Variants in DOP1B observed in about 807,000 individuals in gnomAD.
DOP1B encodes the protein DOP1 leucine zipper like protein B.
In DOP1B, 174 loss-of-function variants were observed where a neutral mutation model predicts 233.5. That is an observed-to-expected ratio of 0.75 (90% confidence interval 0.66 to 0.85). The LOEUF (loss-of-function observed/expected upper bound fraction) is 0.85. Ranked by LOEUF, DOP1B falls within the 40% of genes least tolerant of loss-of-function variation. The pLI is 0.00. For synonymous variants in DOP1B, 1,190 were observed against 1,185.6 expected (o/e 1.00, Z -0.08); for missense variants, 2,652 against 2,846.6 (o/e 0.93, Z 1.56).
At chr21:36,258,368 C>T (rs1251209818) in intron 23 of DOP1B, among the ~76,000 whole-genome samples, 1 of 152,084 alleles carries the variant, frequency 6.6e-6, no homozygotes, top group South Asian at 2.1e-4. Context: ...GATCACGCCA[C>T]TGCACTCCAG....
chr21:36,219,722 A>G (rs930630838), intron 10 of DOP1B, among the ~76,000 whole-genome samples: 6 of 152,172 alleles, frequency 3.9e-5, no homozygotes, highest in Middle Eastern at 3.4e-3. Flanking sequence ...TCTTTCCCCC[A>G]GCCTGGGATG....
intron 11 of DOP1B, among the ~76,000 whole-genome samples, chr21:36,224,421 C>T (rs1463036853): frequency 6.6e-6 from 1 of 152,040 alleles, no homozygotes; most frequent in Non-Finnish European, 1.5e-5. Flanking sequence ...CTCAAGTGAT[C>T]CACCCGCCTT....
At chr21:36,273,001 A>T (rs1482309466) in intron 27 of DOP1B, among the ~76,000 whole-genome samples, 1 of 150,736 alleles carries the variant, frequency 6.6e-6, no homozygotes, top group Non-Finnish European at 1.5e-5. Context: ...AAAAAAAAAA[A>T]AAAAAAGACC....
At position 36,245,406 on chromosome 21, in the gene DOP1B, G is replaced by C. The variant is rs771615988; in HGVS notation, c.3426G>C (p.Glu1142Asp). The change falls in exon 19 of 37, where the codon GAG becomes GAC. Residue 1142 changes from glutamate (E) to aspartate (D), a missense_variant. Physicochemically the swap from Glu to Asp is conservative, Grantham distance 45. Around this residue, in one of 3 missense-constraint regions of DOP1B, gnomAD observed 2,617 missense variants for 2,794.3 expected, o/e 0.94. Coordinates refer to ENST00000691173, the MANE Select transcript of DOP1B (RefSeq NM_001320714.2). This position sits in a 1 kb window ranked among gnomAD's most constrained non-coding sequence, Gnocchi z 5.5. ...ACCTGCAGGAGCTGAGCAACGAAGA[G>C]AACTGCTGTGCACCCATCCCCATGG... ...SHDLQELSNE[E>D]NCCAPIPMGG... 1.9e-6 allele frequency: 3 copies of C among 1,613,954 alleles called. No homozygotes were observed. The highest frequency in any genetic ancestry group is 2.5e-6 in the Non-Finnish European group (3 of 1,180,058).
chr21:36,193,750 C>T (rs1423738615), intron 2 of DOP1B, among the ~76,000 whole-genome samples: 2 of 152,086 alleles, frequency 1.3e-5, no homozygotes, highest in African/African-American at 2.4e-5. Context: ...GCGGGGAGCC[C>T]GAGTGGGAAC....
intron 2 of DOP1B, among the ~76,000 whole-genome samples, chr21:36,193,671 C>G (rs1569012054): frequency 1.3e-5 from 2 of 152,124 alleles, no homozygotes; most frequent in African/African-American, 4.8e-5. Flanking sequence ...TGTGCTGTCC[C>G]TCTTGTGTCT....
chr21:36,235,157 C>T (rs2066811251), intron 15 of DOP1B, among the ~76,000 whole-genome samples: 1 of 152,186 alleles, frequency 6.6e-6, no homozygotes, highest in Non-Finnish European at 1.5e-5. Context: ...GTCCCTGTTG[C>T]AGATGCTGGA....
At chr21:36,158,877 C>G (rs2123376807) in intron 1 of DOP1B, among the ~76,000 whole-genome samples, 1 of 151,988 alleles carries the variant, frequency 6.6e-6, no homozygotes, top group South Asian at 2.1e-4. Flanking sequence ...CCTGTAATCC[C>G]AACACTTTGG....
chr21:36,258,249 A>G (rs913196254), intron 23 of DOP1B, among the ~76,000 whole-genome samples: 1 of 152,160 alleles, frequency 6.6e-6, no homozygotes, highest in Non-Finnish European at 1.5e-5. Context: ...GACTCTAAAA[A>G]GAAAAAAAAA....
chr21:36,285,302 C>T (rs1185772639), intron 32 of DOP1B, among the ~76,000 whole-genome samples: 3 of 152,092 alleles, frequency 2.0e-5, no homozygotes, highest in Admixed American at 6.6e-5. Flanking sequence ...TCAAGTGATC[C>T]ACCCGCCTCA....
chr21:36,251,415 T>C lies in DOP1B; in HGVS notation c.5121+131T>C, dbSNP rs375675808. On this transcript the variant is annotated intron_variant, in intron 22 of 36. Coordinates refer to ENST00000691173, the MANE Select transcript of DOP1B (RefSeq NM_001320714.2). ...TTGAGTTGATTTAATCATTTTATCTTATTTTATTTCTTTATCTATTTGAGA... is the reference window on the plus strand; with the variant it reads ...TTGAGTTGATTTAATCATTTTATCTCATTTTATTTCTTTATCTATTTGAGA... 6.0e-5 allele frequency: 78 copies of C among 1,306,368 alleles called. 4 individuals carry two copies. The East Asian group carries it at 6.7e-4, about 11-fold the overall frequency. 80.9% of individuals were successfully genotyped at this position (1,306,368 alleles called of 1,614,324 possible).
chr21:36,203,728 G>T (rs968658304), intron 4 of DOP1B, among the ~76,000 whole-genome samples: 2 of 152,088 alleles, frequency 1.3e-5, no homozygotes, highest in Non-Finnish European at 2.9e-5. Flanking sequence ...TGACTCACAG[G>T]TTTCATGTAG....
chr21:36,281,549 A>T lies in DOP1B; in HGVS notation c.6098A>T (p.Gln2033Leu). The T allele has an allele frequency of 6.2e-7, 1 of 1,610,206 alleles. No individual in the cohort carries two copies. The highest frequency in any genetic ancestry group is 8.5e-7 in the Non-Finnish European group (1 of 1,176,758). ...CAGAAAGCCATGCTGTTAAAGCGCC[A>T]GGCTTTTGCTGTCTTCAGTGGAGAA... ...FEQKAMLLKR[Q>L]AFAVFSGELD... The change falls in exon 32 of 37, where the codon CAG (glutamine) becomes CTG (leucine). Residue 2033 changes from glutamine (Q) to leucine (L), a missense_variant. Coordinates refer to ENST00000691173, the MANE Select transcript of DOP1B (RefSeq NM_001320714.2).
At chr21:36,280,380 T>G in intron 31 of DOP1B, 34 bp downstream of exon 31, 1 of 1,479,984 alleles carries the variant, frequency 6.8e-7, no homozygotes, top group African/African-American at 1.4e-5. Context: ...TAACTCACAC[T>G]TGATAGGATC....
chr21:36,157,812 G>A (rs1461401327), intron 1 of DOP1B, among the ~76,000 whole-genome samples: 1 of 152,130 alleles, frequency 6.6e-6, no homozygotes, highest in Non-Finnish European at 1.5e-5. Flanking sequence ...GTTATCTGTT[G>A]CTAAATGTTT....
intron 2 of DOP1B, among the ~76,000 whole-genome samples, chr21:36,166,567 G>C (rs935389268): frequency 2.0e-5 from 3 of 152,182 alleles, no homozygotes; most frequent in African/African-American, 7.2e-5. Context: ...GAAAGAAAGT[G>C]ACACAGGGAC....
chr21:36,272,101 G>A (rs1446289451), intron 27 of DOP1B, among the ~76,000 whole-genome samples: 1 of 152,166 alleles, frequency 6.6e-6, no homozygotes, highest in Non-Finnish European at 1.5e-5. Flanking sequence ...ACAGGAACAA[G>A]AAACTACATT....
rs1189551746 is a variant in DOP1B at position 36,219,471 on chromosome 21, A to C, written c.1229A>C (p.Gln410Pro). 9.3e-6 allele frequency: 15 copies of C among 1,614,036 alleles called. No individual in the cohort carries two copies. The highest frequency in any genetic ancestry group is 1.3e-5 in the Non-Finnish European group (15 of 1,180,032). The change falls in exon 10 of 37, where the codon CAG (glutamine) becomes CCG (proline). Residue 410 changes from glutamine to proline, a missense_variant. This residue lies in a region of DOP1B where 2,617 missense variants were observed against 2,794.3 expected (regional missense o/e 0.94). Transcript: ENST00000691173. ...TCTGATCTTAAACTTAGCTACACCC[A>C]GAGTGGAAATTCGCTGATAAGGTAT... is the stretch of plus-strand genomic sequence containing the variant. ...LGSDLKLSYT[Q>P]SGNSLISAIK...
At chr21:36,239,020 T>G (rs1003901173) in intron 17 of DOP1B, among the ~76,000 whole-genome samples, 5 of 152,098 alleles carry the variant, frequency 3.3e-5, no homozygotes, top group Admixed American at 3.3e-4. Context: ...GTAGAATCAC[T>G]TGAACCCGGG....
Sources: gnomAD v4.1 joint callset for allele counts (sites outside exome capture counted in the v4.1 genomes callset) on GRCh38, gnomAD v4.1.1 for gene constraint, gnomAD v4.1.1 regional missense constraint, Gnocchi (gnomAD v3.1) non-coding constraint, MANE v1.5 for transcripts, NCBI Gene and HGNC (gene_info 2026-07-23, HGNC 2026-07-21) for gene names.